Variants in HTR2A observed in about 807,000 individuals in gnomAD.
The protein encoded by HTR2A is 5-HT2 receptor.
A neutral mutation model predicts 31.0 loss-of-function variants in HTR2A; 14 were observed. The observed-to-expected ratio is 0.45, with a 90% CI of 0.30 to 0.71. The LOEUF (loss-of-function observed/expected upper bound fraction) is 0.71, where lower values mean the gene tolerates loss of function less well. HTR2A is among the 30% of genes least tolerant of loss of function. The probability of loss-of-function intolerance (pLI) is 0.09; values close to 1 mark genes in which losing one functional copy is unlikely to be tolerated. For missense variants in HTR2A, 442 were observed against 573.3 expected (o/e 0.77, Z 2.34); for synonymous variants, 209 against 225.2 (o/e 0.93, Z 0.64).
chr13:46,889,994 CAT>C (rs1349601569), intron 3 of HTR2A, among the ~76,000 whole-genome samples: 3 of 152,288 alleles, frequency 2.0e-5, no homozygotes, highest in Middle Eastern at 3.4e-3. Context: ...TCTTTGAATG[CAT>C]ATCTTTTTCA....
chr13:46,860,618 A>G (rs1032661018), intron 3 of HTR2A, among the ~76,000 whole-genome samples: 1 of 152,204 alleles, frequency 6.6e-6, no homozygotes, highest in African/African-American at 2.4e-5. Flanking sequence ...CTCCATCCAG[A>G]AGCTGGCTTA....
chr13:46,864,487 A>G lies in HTR2A; in HGVS notation c.613+27903T>C, dbSNP rs532021257. On this transcript the variant is annotated intron_variant, in intron 3 of 3. Coordinates refer to ENST00000542664, the MANE Select transcript of HTR2A (RefSeq NM_000621.5). The stretch of plus-strand genomic sequence containing the variant: ...TTTAAAAGGCCCTCGCAGGTCTTAC[A>G]AGCCAGGAGTGTCATTTTCTAGGAC... Among the ~76,000 whole-genome samples, 319 of 152,298 alleles carry G rather than the reference A, an allele frequency of 2.1e-3. 1 individual carries two copies. The highest frequency in any genetic ancestry group is 7.4e-3 in the African/African-American group (307 of 41,566).
intron 3 of HTR2A, chr13:46,856,426 A>C (rs1950738145): frequency 6.6e-6 from 1 of 152,188 alleles, no homozygotes; most frequent in Non-Finnish European, 1.5e-5. Flanking sequence ...AAGAGGTAGA[A>C]AATGCAGCAG....
At chr13:46,870,870 A>T (rs1172351639) in intron 3 of HTR2A, among the ~76,000 whole-genome samples, 2 of 152,182 alleles carry the variant, frequency 1.3e-5, no homozygotes, top group African/African-American at 4.8e-5. Flanking sequence ...ATATTTCAAG[A>T]TTCAATATAT....
rs962495795 is a variant in HTR2A at position 46,892,585 on chromosome 13, G to A, written c.418C>T (p.Arg140Trp). 5 of 1,613,906 alleles carry A rather than the reference G, an allele frequency of 3.1e-6. No homozygotes were observed. Among genetic ancestry groups the A allele is most frequent in the Admixed American group, 1.7e-5 (1 of 60,006 alleles). The change falls in exon 3 of 4, where the codon CGG becomes TGG. Residue 140 changes from arginine (R) to tryptophan (W), a missense_variant. Transcript: ENST00000542664. Reference protein sequence around the residue: ...VSMLTILYGYRWPLPSKLCAV... With the variant: ...VSMLTILYGYWWPLPSKLCAV... ...CAAAGCTTGCTCGGCAGAGGCCACCGGTACCCTATGAGGCAGAAGGTTGGT... is the reference window on the plus strand; with the variant it reads ...CAAAGCTTGCTCGGCAGAGGCCACCAGTACCCTATGAGGCAGAAGGTTGGT...
At chr13:46,863,484 G>A (rs1419752086) in intron 3 of HTR2A, among the ~76,000 whole-genome samples, 6 of 151,124 alleles carry the variant, frequency 4.0e-5, no homozygotes, top group African/African-American at 7.3e-5. Flanking sequence ...TTAGCTGAGC[G>A]TGGTGGAGTG....
rs1876409913 is a variant in HTR2A, at chr13:46,835,362, C to T, written c.891G>A (p.Arg297=). Residue 297 remains arginine (R), a synonymous_variant, in exon 4 of 4, where the codon CGG becomes CGA. Transcript: ENST00000542664. ...AGGACCCTGGCTCCCTATGGATCGACCGCTGGAAGAGCTTTTCTGAAGACA... is the reference window on the plus strand; with the variant it reads ...AGGACCCTGGCTCCCTATGGATCGATCGCTGGAAGAGCTTTTCTGAAGACA... The part of the protein sequence containing the change: ...SSLSSEKLFQ[R]SIHREPGSYT... The T allele has an allele frequency of 1.2e-6, 2 of 1,614,048 alleles. No homozygotes were observed. Among genetic ancestry groups the T allele is most frequent in the Non-Finnish European group, 1.7e-6 (2 of 1,179,984 alleles).
At position 46,835,402 on chromosome 13, in the gene HTR2A, A is replaced by G; in HGVS notation, c.851T>C (p.Leu284Pro). The G allele has an allele frequency of 6.2e-7, 1 of 1,614,114 alleles. No individual in the cohort carries two copies. The highest frequency in any genetic ancestry group is 1.1e-5 in the South Asian group (1 of 91,086). ...TRAKLASFSFLPQSSLSSEKL... is the reference protein window; with the variant it reads ...TRAKLASFSFPPQSSLSSEKL... ...TTCTGAAGACAAAGAACTCTGAGGGAGGAAGCTGAAAGAAGCTAATTTGGC... is the reference window on the plus strand; with the variant it reads ...TTCTGAAGACAAAGAACTCTGAGGGGGGAAGCTGAAAGAAGCTAATTTGGC... Residue 284 changes from leucine (L) to proline (P), a missense_variant, in exon 4 of 4, where the codon CTC (leucine) becomes CCC (proline). Coordinates refer to ENST00000542664, the MANE Select transcript of HTR2A (RefSeq NM_000621.5).
intron 3 of HTR2A, among the ~76,000 whole-genome samples, chr13:46,880,909 C>G (rs1398803902): frequency 6.6e-6 from 1 of 152,092 alleles, no homozygotes; most frequent in East Asian, 1.9e-4. Context: ...ATTATTCTCA[C>G]CAGTTTCCAG....
intron 3 of HTR2A, among the ~76,000 whole-genome samples, chr13:46,870,311 G>T (rs1950854916): frequency 6.6e-6 from 1 of 152,108 alleles, no homozygotes; most frequent in Admixed American, 6.5e-5. Flanking sequence ...ATTTGTAATG[G>T]TCAAGACTAG....
chr13:46,885,303 A>G, intron 3 of HTR2A, among the ~76,000 whole-genome samples: 1 of 152,146 alleles, frequency 6.6e-6, no homozygotes, highest in East Asian at 1.9e-4. Context: ...GGGTAATACG[A>G]GGCAGGATGG....
intron 3 of HTR2A, among the ~76,000 whole-genome samples, chr13:46,837,022 C>T (rs1021277246): frequency 2.0e-5 from 3 of 152,106 alleles, no homozygotes; most frequent in Admixed American, 6.6e-5. Context: ...TGAGATAATA[C>T]AGGGGAACAT....
At chr13:46,863,995 T>C (rs1364066101) in intron 3 of HTR2A, among the ~76,000 whole-genome samples, 1 of 152,094 alleles carries the variant, frequency 6.6e-6, no homozygotes, top group Non-Finnish European at 1.5e-5. Flanking sequence ...CTATTCACAA[T>C]AGCAGAGACA....
chr13:46,869,951 C>T (rs997050845), intron 3 of HTR2A, among the ~76,000 whole-genome samples: 3 of 151,670 alleles, frequency 2.0e-5, no homozygotes, highest in Non-Finnish European at 2.9e-5. Context: ...TTTGTGAAGG[C>T]GAAAAAATTT....
chr13:46,843,086 G>A (rs1184328552), intron 3 of HTR2A, among the ~76,000 whole-genome samples: 3 of 152,172 alleles, frequency 2.0e-5, no homozygotes, highest in African/African-American at 7.2e-5. Context: ...GATGCTCTGT[G>A]CCCATAAGTC....
At chr13:46,868,603 T>C (rs977327434) in intron 3 of HTR2A, among the ~76,000 whole-genome samples, 10 of 152,216 alleles carry the variant, frequency 6.6e-5, no homozygotes, top group African/African-American at 2.4e-4. Context: ...TGAAAGAACC[T>C]ACTCACGGGG....
At chr13:46,871,008 T>G (rs1950860302) in intron 3 of HTR2A, among the ~76,000 whole-genome samples, 1 of 152,222 alleles carries the variant, frequency 6.6e-6, no homozygotes, top group Non-Finnish European at 1.5e-5. Context: ...CAAGCTTGCC[T>G]GTCTTAATAC....
rs17069035 is a variant in HTR2A, at chr13:46,854,728, A to G, written c.614-19089T>C. On this transcript the variant is annotated intron_variant, in intron 3 of 3. Coordinates refer to ENST00000542664, the MANE Select transcript of HTR2A (RefSeq NM_000621.5). ...CTAGGCACAGAGATGTGATACCATAATTAATATTTTGATAGCATTCCAAAC... is the reference window on the plus strand; with the variant it reads ...CTAGGCACAGAGATGTGATACCATAGTTAATATTTTGATAGCATTCCAAAC... Among the ~76,000 whole-genome samples, 292 of 152,310 alleles carry G rather than the reference A, an allele frequency of 1.9e-3. 4 individuals carry two copies. Among genetic ancestry groups the G allele is most frequent in the African/African-American group, 6.9e-3 (287 of 41,578 alleles).
chr13:46,856,885 G>C (rs1202857191), intron 3 of HTR2A, among the ~76,000 whole-genome samples: 2 of 152,184 alleles, frequency 1.3e-5, no homozygotes, highest in Non-Finnish European at 2.9e-5. Flanking sequence ...AGTTGAGTAG[G>C]AGGCATCTAT....
Sources: gnomAD v4.1 joint callset for allele counts (sites outside exome capture counted in the v4.1 genomes callset) on GRCh38, gnomAD v4.1.1 for gene constraint, MANE v1.5 for transcripts, NCBI Gene and HGNC (gene_info 2026-07-23, HGNC 2026-07-21) for gene names.